The following CGNL1 variants were observed in gnomAD, a reference collection of about 807,000 sequenced individuals.
CGNL1 encodes cingulin-like protein 1.
CGNL1 carries 132 observed loss-of-function variants against 141.2 expected under a neutral mutation model. That is an observed-to-expected ratio of 0.93 (90% confidence interval 0.81 to 1.08). CGNL1 has a LOEUF of 1.08. Among genes scored for constraint, CGNL1 ranks in the 50% least tolerant of loss-of-function variants. The pLI, the probability that CGNL1 is intolerant of heterozygous loss-of-function variation, is 0.00. For missense variants in CGNL1, 1,870 were observed against 1,588.6 expected (o/e 1.18, Z -3.01); for synonymous variants, 690 against 622.1 (o/e 1.11, Z -1.63).
chr15:57,452,036 A>T, intron 5 of CGNL1, 105 bp from the exon 6 acceptor site: 1 of 950,838 alleles, frequency 1.1e-6, no homozygotes, highest in Non-Finnish European at 1.5e-6. Flanking sequence ...GTTGTTTAAT[A>T]ATGTAAGTGC....
Position 57,439,158 on chromosome 15 carries a change from A to G in CGNL1, c.1159A>G (p.Arg387Gly), listed in dbSNP as rs756163052. 6.2e-7 allele frequency: 1 copy of G among 1,614,220 alleles called. No homozygotes were observed. Among genetic ancestry groups the G allele is most frequent in the Non-Finnish European group, 8.5e-7 (1 of 1,180,032 alleles). ...RINTDDRKRS[R>G]SVDSAFPFGL... ...TAATACAGATGACAGGAAAAGATCC[A>G]GAAGCGTGGATAGCGCCTTTCCTTT... The change falls in exon 2 of 19, where the codon AGA becomes GGA. Residue 387 changes from arginine (R) to glycine (G), a missense_variant. Coordinates refer to ENST00000281282, the MANE Select transcript of CGNL1 (RefSeq NM_032866.5).
intron 6 of CGNL1, 112 bp downstream of exon 6, chr15:57,452,401 C>G (rs1400784851): frequency 1.0e-6 from 1 of 971,612 alleles, no homozygotes; most frequent in East Asian, 2.7e-5. Flanking sequence ...ATAAAGGCAG[C>G]TGGCTTTTCC....
rs35382198 is a variant in CGNL1 at position 57,548,003 on chromosome 15, C to CT, written c.*528dup. The CT allele has an allele frequency of 0.014, 1,924 of 138,982 alleles. 23 individuals carry two copies. The highest frequency in any genetic ancestry group is 0.028 in the African/African-American group (1,055 of 37,378). The allele number at this position is 138,982 out of a possible 1,614,324, so 8.6% of individuals were successfully genotyped here. On this transcript the variant is annotated 3_prime_UTR_variant, in exon 19 of 19. Transcript: ENST00000281282. The stretch of plus-strand genomic sequence containing the variant: ...AGTTCATGCATCTATATTGAGTATT[C>CT]TTTTTTTTTTTTTTTGAGATGGAGT...
chr15:57,547,242 C>A, intron 18 of CGNL1, 113 bp from the exon 19 acceptor site: 1 of 1,188,354 alleles, frequency 8.4e-7, no homozygotes, highest in Non-Finnish European at 1.2e-6. Flanking sequence ...TGTTTCTTTT[C>A]TGTGCCACTC....
chr15:57,513,342 G>A (rs2030502196), intron 8 of CGNL1, among the ~76,000 whole-genome samples: 2 of 151,182 alleles, frequency 1.3e-5, no homozygotes, highest in Admixed American at 1.3e-4. Flanking sequence ...GTTCATCCAT[G>A]TTGTGGTGTG....
At chr15:57,519,577 A>G (rs528754973) in intron 10 of CGNL1, among the ~76,000 whole-genome samples, 2 of 152,156 alleles carry the variant, frequency 1.3e-5, no homozygotes, top group South Asian at 2.1e-4. Flanking sequence ...CCTGAGTTCA[A>G]TGTCTGACTG....
chr15:57,460,752 C>A (rs564128397), intron 7 of CGNL1, among the ~76,000 whole-genome samples: 1 of 152,296 alleles, frequency 6.6e-6, no homozygotes, highest in East Asian at 1.9e-4. Context: ...GTGTCCCCCC[C>A]TTGACAAGTG....
chr15:57,473,923 T>G (rs1248356888), intron 8 of CGNL1, among the ~76,000 whole-genome samples: 3 of 113,824 alleles, frequency 2.6e-5, no homozygotes, highest in Non-Finnish European at 5.8e-5. Context: ...TTTTTTTTTT[T>G]TTCTGAGACA....
At chr15:57,397,490 A>G (rs1486483611) in intron 1 of CGNL1, among the ~76,000 whole-genome samples, 1 of 152,132 alleles carries the variant, frequency 6.6e-6, no homozygotes, top group Non-Finnish European at 1.5e-5. Context: ...AAGATGTCTT[A>G]TTTATTTTTT....
chr15:57,406,251 G>A (rs2062721670), intron 1 of CGNL1, among the ~76,000 whole-genome samples: 1 of 152,216 alleles, frequency 6.6e-6, no homozygotes, highest in South Asian at 2.1e-4. Flanking sequence ...GGCTGCCTGG[G>A]GGAAGGGCAC....
chr15:57,383,155 G>A (rs560266112), intron 1 of CGNL1, among the ~76,000 whole-genome samples: 3 of 152,148 alleles, frequency 2.0e-5, no homozygotes, highest in Non-Finnish European at 1.5e-5. Context: ...TGTTCACTTA[G>A]AGTGGTGATT....
In CGNL1 at chr15:57,440,943, T is replaced by G. The variant is rs2063178774; in HGVS notation, c.1697+472T>G. On this transcript the variant is annotated intron_variant, in intron 3 of 18. Coordinates refer to ENST00000281282, the MANE Select transcript of CGNL1 (RefSeq NM_032866.5). The stretch of plus-strand genomic sequence containing the variant: ...CATTTAAAAGCAGTGCTTTCCATGC[T>G]TATCTTGGTGGTTGAGGTGGAATAA... Among the ~76,000 whole-genome samples, 6 of 152,096 alleles carry G rather than the reference T, an allele frequency of 3.9e-5. No individual in the cohort carries two copies. The South Asian group carries it at 1.2e-3, about 32-fold the overall frequency.
intron 3 of CGNL1, among the ~76,000 whole-genome samples, chr15:57,441,569 A>G (rs981062764): frequency 1.3e-5 from 2 of 152,096 alleles, no homozygotes; most frequent in Non-Finnish European, 2.9e-5. Flanking sequence ...CAGTTTCATC[A>G]TATTGGCAAG....
intron 8 of CGNL1, among the ~76,000 whole-genome samples, chr15:57,467,686 C>CTTTTTT (rs140789370): frequency 4.7e-5 from 5 of 107,428 alleles, no homozygotes; most frequent in African/African-American, 1.1e-4. Flanking sequence ...GAGTCTCTGT[C>CTTTTTT]TTTTTTTTTT....
chr15:57,501,932 T>G (rs778960941), intron 8 of CGNL1, among the ~76,000 whole-genome samples: 11 of 152,162 alleles, frequency 7.2e-5, no homozygotes, highest in Non-Finnish European at 1.2e-4. Flanking sequence ...GGGGACTTCC[T>G]TTGGTTGGTA....
chr15:57,502,209 T>G (rs1460194097), intron 8 of CGNL1, among the ~76,000 whole-genome samples: 1 of 152,172 alleles, frequency 6.6e-6, no homozygotes, highest in Non-Finnish European at 1.5e-5. Context: ...TTTAAGTTTT[T>G]GGAAGGCTCT....
chr15:57,378,904 C>T (rs2062395920), intron 1 of CGNL1, among the ~76,000 whole-genome samples: 1 of 152,146 alleles, frequency 6.6e-6, no homozygotes. Flanking sequence ...AGGTGTGCAC[C>T]CTGTGGGAGC....
intron 4 of CGNL1, among the ~76,000 whole-genome samples, chr15:57,447,925 C>T (rs1249364839): frequency 9.3e-5 from 14 of 151,342 alleles, no homozygotes; most frequent in South Asian, 2.1e-4. Flanking sequence ...TTTCTGGCTA[C>T]GTCAATCTTA....
intron 8 of CGNL1, among the ~76,000 whole-genome samples, chr15:57,504,309 G>T (rs553366777): frequency 2.7e-4 from 41 of 152,290 alleles, no homozygotes; most frequent in African/African-American, 8.4e-4. Context: ...TAGTTGACGG[G>T]CTCAGAGTTG....
Sources: gnomAD v4.1 joint callset for allele counts (sites outside exome capture counted in the v4.1 genomes callset) on GRCh38, gnomAD v4.1.1 for gene constraint, MANE v1.5 for transcripts, NCBI Gene and HGNC (gene_info 2026-07-23, HGNC 2026-07-21) for gene names.